Variants in KLF8 observed in about 807,000 individuals in gnomAD.
KLF8 encodes the protein Krueppel-like factor 8.
A neutral mutation model predicts 18.2 loss-of-function variants in KLF8; 10 were observed. The ratio of observed to expected loss-of-function variants is 0.55; its 90% CI spans 0.34 to 0.93. The LOEUF (loss-of-function observed/expected upper bound fraction) is 0.93. Ranked by LOEUF, KLF8 falls within the 40% of genes least tolerant of loss-of-function variation. The pLI is 0.02. For missense variants in KLF8, 264 were observed against 277.9 expected, an observed-to-expected ratio of 0.95 and a Z score of 0.36; for synonymous variants, 109 against 97.3, an observed-to-expected ratio of 1.12 and a Z score of -0.71.
chrX:56,004,686 C>G, the KLF8 span, among the ~76,000 whole-genome samples: 1 of 111,234 alleles, frequency 9.0e-6, no homozygotes. Context: ...ATTCTTATTG[C>G]CCAAACCCCA....
the KLF8 span, among the ~76,000 whole-genome samples, chrX:56,012,358 C>T: frequency 8.9e-6 from 1 of 111,821 alleles, no homozygotes. Flanking sequence ...ATGATTAACT[C>T]AACAGACGCA....
chrX:56,263,688 A>C (rs963086712), intron 2 of KLF8, among the ~76,000 whole-genome samples: 1 of 112,184 alleles, frequency 8.9e-6, no homozygotes, highest in African/African-American at 3.2e-5. Flanking sequence ...CATAAGCATA[A>C]CATAATTATC....
the KLF8 span, among the ~76,000 whole-genome samples, chrX:56,174,167 T>C: frequency 1.8e-5 from 2 of 111,945 alleles, no homozygotes; most frequent in East Asian, 2.8e-4. Flanking sequence ...CATCCCTGTC[T>C]TGTGTGAGTT....
the KLF8 span, among the ~76,000 whole-genome samples, chrX:56,128,120 C>A: frequency 9.0e-6 from 1 of 111,213 alleles, no homozygotes; most frequent in African/African-American, 3.3e-5. Flanking sequence ...GAAAGCATTC[C>A]AGATGAAGGG....
chrX:56,022,815 C>A, the KLF8 span, among the ~76,000 whole-genome samples: 36 of 110,197 alleles, frequency 3.3e-4, no homozygotes, highest in South Asian at 0.014. Flanking sequence ...CTCAGGGAGA[C>A]CTCATGTGTA....
the KLF8 span, among the ~76,000 whole-genome samples, chrX:56,036,161 G>C: frequency 9.0e-6 from 1 of 111,030 alleles, no homozygotes; most frequent in East Asian, 2.8e-4. Flanking sequence ...GTAGTATTTT[G>C]ATACATATGA....
At chrX:55,991,047 G>A in the KLF8 span, among the ~76,000 whole-genome samples, 6 of 112,311 alleles carry the variant, frequency 5.3e-5, no homozygotes, top group East Asian at 1.1e-3. Flanking sequence ...GGACATTTAA[G>A]TCTGCGGAGT....
At position 56,287,643 on chromosome X, in the gene KLF8, G is replaced by A. The variant is rs965325682; in HGVS notation, c.*3149G>A. ...ATTTAGGAAAAACTATGAGTGTGAA[G>A]AGTATGAACTGATTGGGTAGATTAG... On this transcript the variant is annotated 3_prime_UTR_variant, in exon 6 of 6. Transcript: ENST00000468660. The A allele has an allele frequency of 1.8e-5, 2 of 111,961 alleles. No individual in the cohort carries two copies. The highest frequency in any genetic ancestry group is 3.8e-5 in the Non-Finnish European group (2 of 53,262). 9.2% of individuals were successfully genotyped at this position (111,961 alleles called of 1,213,427 possible).
the KLF8 span, among the ~76,000 whole-genome samples, chrX:56,188,772 G>T: frequency 7.1e-5 from 8 of 112,182 alleles, no homozygotes; most frequent in African/African-American, 2.3e-4. Flanking sequence ...AATGGGGAAA[G>T]AATTCCGTAT....
At chrX:55,961,624 A>T in the KLF8 span, 1 of 433,025 alleles carries the variant, frequency 2.3e-6, no homozygotes, top group Admixed American at 2.9e-5. Flanking sequence ...CTTAACGATC[A>T]GAGCCTGTTT....
the KLF8 span, among the ~76,000 whole-genome samples, chrX:56,202,589 C>A: frequency 1.3e-5 from 1 of 74,898 alleles, no homozygotes; most frequent in East Asian, 5.0e-4. Flanking sequence ...ACTCCATTAT[C>A]CTCCCCAGCC....
the KLF8 span, among the ~76,000 whole-genome samples, chrX:55,975,490 C>T: frequency 1.8e-5 from 2 of 111,473 alleles, no homozygotes; most frequent in South Asian, 3.8e-4. Context: ...GAATTTCATC[C>T]TCATTCCACA....
At chrX:55,947,772 A>C in the KLF8 span, among the ~76,000 whole-genome samples, 1 of 111,837 alleles carries the variant, frequency 8.9e-6, no homozygotes, top group Non-Finnish European at 1.9e-5. Flanking sequence ...TTGCAAAATA[A>C]ATGCTTTATA....
chrX:55,972,474 G>A, the KLF8 span, among the ~76,000 whole-genome samples: 1 of 111,047 alleles, frequency 9.0e-6, no homozygotes, highest in African/African-American at 3.3e-5. Context: ...TTGACAGCAT[G>A]AGGGTGATCA....
chrX:56,207,876 G>T, the KLF8 span, among the ~76,000 whole-genome samples: 2 of 110,511 alleles, frequency 1.8e-5, no homozygotes, highest in East Asian at 5.7e-4. Flanking sequence ...CCCAAGACTG[G>T]GTAATTTATA....
At chrX:56,038,059 C>A in the KLF8 span, among the ~76,000 whole-genome samples, 8 of 111,541 alleles carry the variant, frequency 7.2e-5, no homozygotes, top group African/African-American at 2.6e-4. Context: ...TTAGATACTG[C>A]GAATAAATGA....
At chrX:56,073,068 C>G in the KLF8 span, among the ~76,000 whole-genome samples, 1 of 107,999 alleles carries the variant, frequency 9.3e-6, no homozygotes, top group East Asian at 2.9e-4. Context: ...CTCACTGCAA[C>G]CTCCGCCTCC....
At chrX:56,041,272 C>T in the KLF8 span, among the ~76,000 whole-genome samples, 26 of 109,590 alleles carry the variant, frequency 2.4e-4, no homozygotes, top group Admixed American at 6.8e-4. Context: ...TACAGGTGTG[C>T]GCCACTATGC....
chrX:55,961,614 C>G, the KLF8 span: 2 of 447,656 alleles, frequency 4.5e-6, no homozygotes, highest in East Asian at 8.8e-5. Context: ...GAACTGCGAC[C>G]TTAACGATCA....
Sources: gnomAD v4.1 joint callset for allele counts (sites outside exome capture counted in the v4.1 genomes callset) on GRCh38, gnomAD v4.1.1 for gene constraint, MANE v1.5 for transcripts, NCBI Gene and HGNC (gene_info 2026-07-23, HGNC 2026-07-21) for gene names.